Variants in NFASC observed in about 807,000 individuals in gnomAD.
NFASC encodes neurofascin homolog.
A neutral mutation model predicts 147.5 loss-of-function variants in NFASC; 43 were observed. The observed-to-expected ratio is 0.29, with a 90% CI of 0.23 to 0.38. The LOEUF (loss-of-function observed/expected upper bound fraction) is 0.38. Among genes scored for constraint, NFASC ranks in the 10% least tolerant of loss-of-function variants. The probability of loss-of-function intolerance (pLI) is 1.00; values close to 1 mark genes in which losing one functional copy is unlikely to be tolerated. For missense variants in NFASC, 1,320 were observed against 1,689.0 expected, an observed-to-expected ratio of 0.78 and a Z score of 3.83; for synonymous variants, 622 against 665.5, an observed-to-expected ratio of 0.93 and a Z score of 1.01.
chr1:204,957,840 C>T lies in NFASC; in HGVS notation c.706+14C>T, dbSNP rs1216031794. The stretch of plus-strand genomic sequence containing the variant: ...AGGTCCTCACCAGTAAGTGAAGGCC[C>T]CTGTCCCGGGGCTGGGGGCCAAAGA... On this transcript the variant is annotated intron_variant, in intron 8 of 29. Coordinates refer to ENST00000339876, the MANE Select transcript of NFASC (RefSeq NM_001005388.3). 6.2e-7 allele frequency: 1 copy of T among 1,613,762 alleles called. No individual in the cohort carries two copies. Among genetic ancestry groups the T allele is most frequent in the Non-Finnish European group, 8.5e-7 (1 of 1,179,722 alleles).
At chr1:204,884,652 A>G (rs2080954889) in intron 1 of NFASC, among the ~76,000 whole-genome samples, 1 of 152,148 alleles carries the variant, frequency 6.6e-6, no homozygotes, top group Non-Finnish European at 1.5e-5. Flanking sequence ...AGCTTGAAAA[A>G]TGGAGTTAAT....
At chr1:204,841,149 A>G (rs960570339) in intron 1 of NFASC, among the ~76,000 whole-genome samples, 1 of 152,214 alleles carries the variant, frequency 6.6e-6, no homozygotes, top group African/African-American at 2.4e-5. Flanking sequence ...TTGACTGGAC[A>G]CCTACTCTGT....
intron 1 of NFASC, among the ~76,000 whole-genome samples, chr1:204,833,883 A>G (rs572443821): frequency 6.6e-6 from 1 of 152,150 alleles, no homozygotes; most frequent in Non-Finnish European, 1.5e-5. Context: ...CAAAATGGGG[A>G]TATTAATATG....
At chr1:204,955,115 G>C (rs2094365737) in intron 7 of NFASC, among the ~76,000 whole-genome samples, 164 bp downstream of exon 7, 1 of 152,216 alleles carries the variant, frequency 6.6e-6, no homozygotes, top group African/African-American at 2.4e-5. Context: ...GAGAGAGGCT[G>C]CTTGGGCTTA....
chr1:204,942,630 A>G (rs1470150132), intron 2 of NFASC, among the ~76,000 whole-genome samples: 1 of 149,882 alleles, frequency 6.7e-6, no homozygotes, highest in East Asian at 1.9e-4. Flanking sequence ...TCAATTAAAA[A>G]TAATAAAGTA....
At chr1:204,906,943 A>G (rs1175333762) in intron 1 of NFASC, among the ~76,000 whole-genome samples, 2 of 152,168 alleles carry the variant, frequency 1.3e-5, no homozygotes, top group Non-Finnish European at 2.9e-5. Context: ...TTGGCCTCCC[A>G]AAGTGCTGGG....
intron 21 of NFASC, chr1:204,985,954 G>A: frequency 6.2e-7 from 1 of 1,613,778 alleles, no homozygotes; most frequent in Non-Finnish European, 8.5e-7. Flanking sequence ...ACCTGTGGGT[G>A]TCTCAGAAGA....
rs1001110225 is a variant in NFASC, at chr1:205,017,596, C to T, written c.*1057C>T. 2 of 152,734 alleles carry T rather than the reference C, an allele frequency of 1.3e-5. No individual in the cohort carries two copies. The highest frequency in any genetic ancestry group is 1.5e-5 in the Non-Finnish European group (1 of 68,102). The allele number at this position is 152,734 out of a possible 1,614,324, so 9.5% of individuals were successfully genotyped here. A position where few individuals can be genotyped will look rare whatever the true frequency, so the allele number is the denominator to read the frequency against. The stretch of plus-strand genomic sequence containing the variant: ...CGTGGCCAGGGCCCATGCTGCCACC[C>T]TCGAGGAGATGGAACCCTGTGATGC... On this transcript the variant is annotated 3_prime_UTR_variant, in exon 30 of 30. Transcript: ENST00000339876.
At chr1:204,924,772 A>G (rs535853789) in intron 2 of NFASC, among the ~76,000 whole-genome samples, 1 of 152,350 alleles carries the variant, frequency 6.6e-6, no homozygotes, top group South Asian at 2.1e-4. Context: ...GTAGATCTAC[A>G]AAGTAGATGT....
At chr1:204,884,406 G>C (rs950380818) in intron 1 of NFASC, among the ~76,000 whole-genome samples, 1 of 152,126 alleles carries the variant, frequency 6.6e-6, no homozygotes, top group African/African-American at 2.4e-5. Flanking sequence ...TGGGTATTGA[G>C]AGCCTCTTCT....
intron 1 of NFASC, among the ~76,000 whole-genome samples, chr1:204,912,763 A>C (rs1572909390): frequency 6.6e-6 from 1 of 152,070 alleles, no homozygotes; most frequent in South Asian, 2.1e-4. Flanking sequence ...TCATGCCTGT[A>C]ATCCCAACAC....
chr1:204,872,439 C>T (rs973722549), intron 1 of NFASC, among the ~76,000 whole-genome samples: 1 of 152,184 alleles, frequency 6.6e-6, no homozygotes, highest in Non-Finnish European at 1.5e-5. Flanking sequence ...CTCCTGGGAG[C>T]ACTGTTTCTG....
At chr1:204,836,166 G>A (rs1431005461) in intron 1 of NFASC, among the ~76,000 whole-genome samples, 1 of 152,068 alleles carries the variant, frequency 6.6e-6, no homozygotes. Flanking sequence ...GTCTGTGTGT[G>A]CGTGTGTGTG....
In NFASC at chr1:204,897,752, G is replaced by T. The variant is rs529467618; in HGVS notation, c.-199-22880G>T. On this transcript the variant is annotated intron_variant, in intron 1 of 29. Transcript: ENST00000339876. ...CCATGCTCAGCTAATTTTTTTTTGG[G>T]GGGGGCAGAGTCTTGCTCTGTCACC... Among the ~76,000 whole-genome samples the T allele has an allele frequency of 1.5e-4, 21 of 143,554 alleles. No individual in the cohort carries two copies. The South Asian group carries it at 2.2e-3, about 15-fold the overall frequency. 94.2% of individuals were successfully genotyped at this position (143,554 alleles called of 152,430 possible). A position where few individuals can be genotyped will look rare whatever the true frequency, so the allele number is the denominator to read the frequency against.
In NFASC at chr1:204,986,205, A is replaced by T; in HGVS notation, c.2471-1213A>T. 1.1e-6 allele frequency: 1 copy of T among 941,680 alleles called. No homozygotes were observed. The allele number at this position is 941,680 out of a possible 1,614,324, so 58.3% of individuals were successfully genotyped here. On this transcript the variant is annotated intron_variant, in intron 21 of 29. Transcript: ENST00000339876. The surrounding 1 kb of genome is among the most constrained non-coding windows in gnomAD (Gnocchi z 4.2). Reference sequence around the variant, plus strand: ...GAAACTCCAGCGTGGCTCAGCATGGATGGCACAAGGTGACTTCTGCGAGGC... The same window carrying T: ...GAAACTCCAGCGTGGCTCAGCATGGTTGGCACAAGGTGACTTCTGCGAGGC...
At chr1:204,966,483 A>G (rs547620150) in intron 8 of NFASC, among the ~76,000 whole-genome samples, 1 of 152,198 alleles carries the variant, frequency 6.6e-6, no homozygotes, top group Admixed American at 6.5e-5. Context: ...TCCTTTCCTC[A>G]TAGTGCCCAT....
chr1:204,954,104 C>A lies in NFASC; in HGVS notation c.216-84C>A. 7.8e-7 allele frequency: 1 copy of A among 1,283,004 alleles called. No homozygotes were observed. The allele number at this position is 1,283,004 out of a possible 1,614,324, so 79.5% of individuals were successfully genotyped here. A position where few individuals can be genotyped will look rare whatever the true frequency, so the allele number is the denominator to read the frequency against. On this transcript the variant is annotated intron_variant, in intron 5 of 29. Transcript: ENST00000339876. This position sits in a 1 kb window ranked among gnomAD's most constrained non-coding sequence, Gnocchi z 5.7. ...TGAGAGAGGGAATTTTGGTACTGAG[C>A]CAGGGACTAGGGATCTGAGATCTGC...
chr1:204,963,228 C>G (rs1474176084), intron 8 of NFASC, among the ~76,000 whole-genome samples: 1 of 152,206 alleles, frequency 6.6e-6, no homozygotes, highest in African/African-American at 2.4e-5. Context: ...CACTGAGATC[C>G]TGCCAAAGAG....
At position 204,897,883 on chromosome 1, in the gene NFASC, G is replaced by A. The variant is rs577835364; in HGVS notation, c.-199-22749G>A. 1.4e-3 allele frequency among the ~76,000 whole-genome samples: 208 copies of A among 152,128 alleles called. 1 individual carries two copies. Among genetic ancestry groups the A allele is most frequent in the South Asian group, 7.3e-3 (35 of 4,808 alleles). On this transcript the variant is annotated intron_variant, in intron 1 of 29. Coordinates refer to ENST00000339876, the MANE Select transcript of NFASC (RefSeq NM_001005388.3). ...CCCAAGTAGCTGGGATTACAGGTGC[G>A]TGCCACCACGCCCAGCTAATTTGTG...
Sources: allele counts gnomAD v4.1 joint callset (sites outside exome capture counted in the v4.1 genomes callset), GRCh38; gene constraint gnomAD v4.1.1; non-coding constraint Gnocchi (gnomAD v3.1); transcripts MANE v1.5; gene names NCBI Gene and HGNC (gene_info 2026-07-23, HGNC 2026-07-21).